Variants in DLG2 observed in about 807,000 individuals in gnomAD.
The protein encoded by DLG2 is disks large homolog 2.
DLG2 carries 45 observed loss-of-function variants against 132.5 expected under a neutral mutation model. The observed-to-expected ratio is 0.34, with a 90% confidence interval of 0.27 to 0.44. DLG2 has a LOEUF of 0.44. DLG2 is among the 20% of genes least tolerant of loss of function. The pLI is 1.00. For missense variants in DLG2, 1,045 were observed against 1,196.9 expected (o/e 0.87, Z 1.87); for synonymous variants, 424 against 419.6 (o/e 1.01, Z -0.13).
intron 6 of DLG2, among the ~76,000 whole-genome samples, chr11:85,069,871 C>A (rs1176351497): frequency 2.0e-5 from 3 of 152,028 alleles, no homozygotes; most frequent in Non-Finnish European, 4.4e-5. Flanking sequence ...TATTGTGGCA[C>A]TATTCACAAT....
chr11:83,587,270 C>CT (rs1054678122), intron 19 of DLG2, among the ~76,000 whole-genome samples: 4,501 of 145,128 alleles, frequency 0.031, 102 homozygotes, highest in African/African-American at 0.062. Flanking sequence ...GAATTTGCTA[C>CT]TTTTTTTTTT....
chr11:85,340,402 C>T (rs1177785083), intron 3 of DLG2, among the ~76,000 whole-genome samples: 1 of 152,130 alleles, frequency 6.6e-6, no homozygotes, highest in Non-Finnish European at 1.5e-5. Flanking sequence ...GAAAACCAAA[C>T]ACTGCATGTT....
At chr11:83,803,414 G>A (rs1012175057) in intron 17 of DLG2, among the ~76,000 whole-genome samples, 2 of 152,008 alleles carry the variant, frequency 1.3e-5, no homozygotes, top group African/African-American at 4.8e-5. Flanking sequence ...GGCACAATCA[G>A]GCATAGTGAA....
At chr11:85,090,183 T>C (rs1414789206) in intron 6 of DLG2, among the ~76,000 whole-genome samples, 3 of 152,174 alleles carry the variant, frequency 2.0e-5, no homozygotes, top group Non-Finnish European at 4.4e-5. Context: ...AGACTGCCTC[T>C]ATATAAAAGC....
At chr11:83,914,887 T>A (rs759871568) in intron 15 of DLG2, among the ~76,000 whole-genome samples, 8 of 152,154 alleles carry the variant, frequency 5.3e-5, no homozygotes, top group Non-Finnish European at 7.4e-5. Context: ...ACGAGAGACA[T>A]AGGCACATAG....
intron 6 of DLG2, among the ~76,000 whole-genome samples, chr11:84,889,781 C>T (rs544802783): frequency 6.6e-6 from 1 of 152,172 alleles, no homozygotes; most frequent in Non-Finnish European, 1.5e-5. Context: ...GGTGCTTGCG[C>T]AATGGCATGT....
At chr11:84,406,880 A>G (rs2098853860) in intron 7 of DLG2, among the ~76,000 whole-genome samples, 1 of 152,226 alleles carries the variant, frequency 6.6e-6, no homozygotes, top group Non-Finnish European at 1.5e-5. Flanking sequence ...GGACAGAGAG[A>G]AAGAGAAGAG....
chr11:85,433,146 T>C (rs1173381482), intron 3 of DLG2, among the ~76,000 whole-genome samples: 2 of 152,144 alleles, frequency 1.3e-5, no homozygotes, highest in Non-Finnish European at 2.9e-5. Flanking sequence ...TAGGCCTGCT[T>C]TGTAAAAGCT....
At chr11:83,997,377 C>T (rs2094098351) in intron 11 of DLG2, among the ~76,000 whole-genome samples, 1 of 152,074 alleles carries the variant, frequency 6.6e-6, no homozygotes, top group African/African-American at 2.4e-5. Flanking sequence ...CTTATTTCTA[C>T]TTCTTTCTTT....
chr11:84,822,788 T>C (rs17206578), intron 6 of DLG2, among the ~76,000 whole-genome samples: 12,262 of 152,004 alleles, frequency 0.081, 564 homozygotes, highest in East Asian at 0.23. Context: ...ACCAGAATTA[T>C]ATTTTCAAGG....
intron 3 of DLG2, among the ~76,000 whole-genome samples, chr11:85,397,060 T>C (rs897792698): frequency 6.6e-5 from 10 of 152,294 alleles, no homozygotes; most frequent in Non-Finnish European, 1.2e-4. Context: ...GGGAAGCCCA[T>C]CGGACTAACA....
At chr11:83,480,365 A>G in intron 22 of DLG2, 1 of 1,534,948 alleles carries the variant, frequency 6.5e-7, no homozygotes, top group Non-Finnish European at 8.7e-7. Context: ...CCAAAGCAGT[A>G]ACTTACGGTA....
At chr11:83,930,219 G>A (rs1386234906) in intron 15 of DLG2, 109 bp downstream of exon 15, 1 of 1,227,368 alleles carries the variant, frequency 8.1e-7, no homozygotes, top group Non-Finnish European at 1.2e-6. Context: ...TCTCCACTTT[G>A]GGGAAGATGT....
intron 3 of DLG2, among the ~76,000 whole-genome samples, chr11:85,442,769 C>G (rs970947671): frequency 6.6e-6 from 1 of 152,068 alleles, no homozygotes; most frequent in South Asian, 2.1e-4. Context: ...GTAGTCCCAG[C>G]TATTCAGGAA....
chr11:84,595,000 A>G (rs1156253045), intron 6 of DLG2, among the ~76,000 whole-genome samples: 1 of 152,222 alleles, frequency 6.6e-6, no homozygotes, highest in Non-Finnish European at 1.5e-5. Flanking sequence ...ATGACCTTTC[A>G]TGCAAAAAGT....
chr11:83,724,488 A>T (rs569746157), intron 18 of DLG2, among the ~76,000 whole-genome samples: 50,261 of 143,826 alleles, frequency 0.35, 10,258 homozygotes, highest in African/African-American at 0.57. Context: ...AGAGAGAGAG[A>T]GAGAGAGAGA....
chr11:84,396,595 G>A (rs1473672410), intron 7 of DLG2, among the ~76,000 whole-genome samples: 2 of 152,136 alleles, frequency 1.3e-5, no homozygotes, highest in Non-Finnish European at 2.9e-5. Flanking sequence ...ATACGTCAAA[G>A]AGAAAGCACA....
At chr11:85,126,349 G>C (rs1287929116) in intron 5 of DLG2, among the ~76,000 whole-genome samples, 1 of 152,170 alleles carries the variant, frequency 6.6e-6, no homozygotes, top group Non-Finnish European at 1.5e-5. Context: ...TCTTTCAATA[G>C]GTTGCTGAGA....
At chr11:84,074,817 C>T (rs1486944452) in intron 10 of DLG2, among the ~76,000 whole-genome samples, 2 of 152,092 alleles carry the variant, frequency 1.3e-5, no homozygotes, top group African/African-American at 2.4e-5. Flanking sequence ...CTTGAGCCAC[C>T]GCGCCCGGCC....
Sources: allele counts gnomAD v4.1 joint callset (sites outside exome capture counted in the v4.1 genomes callset), GRCh38; gene constraint gnomAD v4.1.1; transcripts MANE v1.5; gene names NCBI Gene and HGNC (gene_info 2026-07-23, HGNC 2026-07-21).